Variants in ARHGEF3 observed in about 807,000 individuals in gnomAD.
The protein encoded by ARHGEF3 is Rho guanine nucleotide exchange factor 3.
A neutral mutation model predicts 63.2 loss-of-function variants in ARHGEF3; 28 were observed. That is an observed-to-expected ratio of 0.44 (90% CI 0.33 to 0.61). The LOEUF is 0.61. ARHGEF3 is among the 20% of genes least tolerant of loss of function. The pLI is 0.03. For synonymous variants in ARHGEF3, 266 were observed against 254.2 expected (o/e 1.05, Z -0.44); for missense variants, 533 against 659.3 (o/e 0.81, Z 2.10).
At chr3:56,972,790 A>G (rs1700970186) in intron 2 of ARHGEF3, among the ~76,000 whole-genome samples, 1 of 152,034 alleles carries the variant, frequency 6.6e-6, no homozygotes, top group African/African-American at 2.4e-5. Flanking sequence ...ATTTTAGTCC[A>G]AGGGAGAGGG....
intron 1 of ARHGEF3, among the ~76,000 whole-genome samples, chr3:57,064,323 C>CT (rs148897316): frequency 0.06 from 9,007 of 149,936 alleles, 884 homozygotes; most frequent in African/African-American, 0.21. Flanking sequence ...TTTTTTCTTT[C>CT]TTTTTTTTTC....
At chr3:57,003,738 G>C (rs554791155) in intron 2 of ARHGEF3, among the ~76,000 whole-genome samples, 1 of 152,292 alleles carries the variant, frequency 6.6e-6, no homozygotes. Context: ...GAAGGTCCGA[G>C]CAGTAGTAGG....
rs754077473 is a variant in ARHGEF3 at position 56,801,767 on chromosome 3, G to C, written c.32C>G (p.Thr11Arg). 1.3e-6 allele frequency: 2 copies of C among 1,568,984 alleles called. No individual in the cohort carries two copies. The highest frequency in any genetic ancestry group is 1.7e-6 in the Non-Finnish European group (2 of 1,155,572). The change falls in exon 1 of 10, where the codon ACG becomes AGG. Residue 11 changes from threonine (T) to arginine (R), a missense_variant. Thr to Arg is a moderately conservative substitution (Grantham distance 71). Around this residue, in one of 4 missense-constraint regions of ARHGEF3, gnomAD observed 160 missense variants for 157.3 expected, o/e 1.02. Transcript: ENST00000296315. MVAKDYPFYL[T>R]VKRANCSLEL... ...CAGGCTGCAGTTCGCTCTCTTGACC[G>C]TGAGGTAGAAGGGGTAATCCTTGGC...
chr3:56,816,046 T>C (rs1434110932), intron 4 of ARHGEF3, among the ~76,000 whole-genome samples: 4 of 152,184 alleles, frequency 2.6e-5, no homozygotes, highest in Non-Finnish European at 5.9e-5. Context: ...AGATCCTGTC[T>C]GTACACAAAA....
chr3:56,983,374 C>G (rs912565840), intron 2 of ARHGEF3, among the ~76,000 whole-genome samples: 3 of 152,156 alleles, frequency 2.0e-5, no homozygotes. Flanking sequence ...CCCACTGTGA[C>G]CCCTGCCCTT....
At chr3:57,030,865 T>C (rs1703702023) in intron 2 of ARHGEF3, among the ~76,000 whole-genome samples, 1 of 152,208 alleles carries the variant, frequency 6.6e-6, no homozygotes, top group Non-Finnish European at 1.5e-5. Flanking sequence ...AGTCAATAAA[T>C]GCTATGCAAA....
intron 3 of ARHGEF3, among the ~76,000 whole-genome samples, chr3:56,942,984 T>C (rs1199260820): frequency 6.6e-6 from 1 of 152,204 alleles, no homozygotes; most frequent in African/African-American, 2.4e-5. Context: ...GGTTGGTTAG[T>C]TCATGAGGTT....
chr3:57,014,336 A>G (rs1175597497), intron 2 of ARHGEF3, among the ~76,000 whole-genome samples: 1 of 152,346 alleles, frequency 6.6e-6, no homozygotes, highest in Non-Finnish European at 1.5e-5. Context: ...GATTCTGGAC[A>G]CAATAGTGCA....
At chr3:56,751,172 A>C in intron 5 of ARHGEF3, 40 bp from the exon 6 acceptor site, 1 of 1,600,082 alleles carries the variant, frequency 6.2e-7, no homozygotes, top group Non-Finnish European at 8.6e-7. Flanking sequence ...TTAGGCATTC[A>C]AATATGAACA....
intron 2 of ARHGEF3, among the ~76,000 whole-genome samples, chr3:57,033,426 A>C (rs1000439988): frequency 1.3e-5 from 2 of 152,176 alleles, no homozygotes; most frequent in African/African-American, 4.8e-5. Flanking sequence ...TAAAAAAAAA[A>C]AAAAAATGTA....
intron 9 of ARHGEF3, 109 bp downstream of exon 9, chr3:56,732,129 G>A: frequency 7.9e-7 from 1 of 1,265,842 alleles, no homozygotes; most frequent in Non-Finnish European, 1.1e-6. Context: ...GCATACAAAT[G>A]CAGTTTGACT....
intron 4 of ARHGEF3, among the ~76,000 whole-genome samples, chr3:56,863,324 T>C (rs1440684880): frequency 2.8e-5 from 4 of 140,472 alleles, no homozygotes; most frequent in Non-Finnish European, 3.1e-5. Flanking sequence ...TTTTGAGACA[T>C]TGTCTCACTG....
In ARHGEF3 at chr3:56,958,773, T is replaced by A. The variant is rs1700155641; in HGVS notation, c.129+50A>T. Reference sequence around the variant, plus strand: ...CGTCCGTTCTGGAGGCCAGAGCATGTATCCATAATAGGACATTTAACAGCA... The same window carrying A: ...CGTCCGTTCTGGAGGCCAGAGCATGAATCCATAATAGGACATTTAACAGCA... On this transcript the variant is annotated intron_variant, in intron 3 of 12. Coordinates refer to the ARHGEF3 transcript ENST00000338458. 3.3e-6 allele frequency: 5 copies of A among 1,509,388 alleles called. No individual in the cohort carries two copies. In the African/African-American group the frequency reaches 5.6e-5, roughly 17 times the overall value. 93.5% of individuals were successfully genotyped at this position (1,509,388 alleles called of 1,614,324 possible).
chr3:56,799,444 G>C (rs2037533764), intron 1 of ARHGEF3, among the ~76,000 whole-genome samples: 1 of 152,098 alleles, frequency 6.6e-6, no homozygotes, highest in African/African-American at 2.4e-5. Flanking sequence ...AAGGCCTCTG[G>C]ATAGATCTAT....
intron 4 of ARHGEF3, chr3:56,882,172 A>T: frequency 2.0e-6 from 2 of 982,660 alleles, no homozygotes; most frequent in Non-Finnish European, 1.5e-6. Context: ...CCCCCAGGTC[A>T]CAACTTCCAT....
chr3:56,876,110 TG>T (rs1431867761), intron 4 of ARHGEF3, among the ~76,000 whole-genome samples: 14 of 152,046 alleles, frequency 9.2e-5, no homozygotes, highest in Non-Finnish European at 1.8e-4. Flanking sequence ...GAATAGTATG[TG>T]CAGAGGCCCA....
intron 4 of ARHGEF3, among the ~76,000 whole-genome samples, chr3:56,810,805 G>A (rs1488578234): frequency 2.6e-5 from 4 of 152,140 alleles, no homozygotes; most frequent in Non-Finnish European, 5.9e-5. Flanking sequence ...CCCACTTTGG[G>A]TCCAATGAAT....
Position 57,007,223 on chromosome 3 carries a change from G to T in ARHGEF3, c.62+27865C>A, listed in dbSNP as rs896710409. 8 of 1,288,376 alleles carry T rather than the reference G, an allele frequency of 6.2e-6. No individual in the cohort carries two copies. The East Asian group carries it at 2.2e-4, about 36-fold the overall frequency. The allele number at this position is 1,288,376 out of a possible 1,614,324, so 79.8% of individuals were successfully genotyped here. On this transcript the variant is annotated intron_variant, in intron 2 of 12. Transcript: ENST00000338458. ...TTCTGGAATCTTAGGAGTCGAAGGT[G>T]GGGGGGTCAATAACACCATACTTCA...
chr3:56,863,712 G>A (rs1468938631), intron 4 of ARHGEF3, among the ~76,000 whole-genome samples: 1 of 152,148 alleles, frequency 6.6e-6, no homozygotes, highest in African/African-American at 2.4e-5. Context: ...TGGGATTACA[G>A]GTGTGAGCCA....
Sources: gnomAD v4.1 joint callset for allele counts (sites outside exome capture counted in the v4.1 genomes callset) on GRCh38, gnomAD v4.1.1 for gene constraint, gnomAD v4.1.1 regional missense constraint, MANE v1.5 for transcripts, NCBI Gene and HGNC (gene_info 2026-07-23, HGNC 2026-07-21) for gene names.